TSGA10IP: variants seen among roughly 807,000 people sequenced by gnomAD.
TSGA10IP encodes the protein testis specific 10 interacting protein.
In TSGA10IP, 64 loss-of-function variants were observed where a neutral mutation model predicts 63.2. That is an observed-to-expected ratio of 1.01 (90% CI 0.83 to 1.25). TSGA10IP has a LOEUF of 1.25. Ranked by LOEUF, TSGA10IP falls within the 50% of genes most tolerant of loss-of-function variation. TSGA10IP has a pLI of 0.00. For synonymous variants in TSGA10IP, 316 were observed against 298.3 expected, an observed-to-expected ratio of 1.06 and a Z score of -0.61; for missense variants, 681 against 710.1, an observed-to-expected ratio of 0.96 and a Z score of 0.47.
Position 65,946,988 on chromosome 11 carries a change from A to T in TSGA10IP, c.256A>T (p.Lys86Ter). 1 of 1,613,972 alleles carries T rather than the reference A, an allele frequency of 6.2e-7. No individual in the cohort carries two copies. Among genetic ancestry groups the T allele is most frequent in the Non-Finnish European group, 8.5e-7 (1 of 1,179,870 alleles). ...CCGCAAGCCCAGGGGCCAGAGCAAG[A>T]AAGGACAGGGCTCTGAAGAGTCTGA... The change falls in exon 2 of 8, where the codon AAA becomes TAA. Residue 86 changes from lysine (K) to a stop codon, truncating the protein, a stop_gained. Transcript: ENST00000532620. LOFTEE classifies it high-confidence loss of function.
At chr11:65,957,172 G>C (rs897811539) in intron 5 of TSGA10IP, among the ~76,000 whole-genome samples, 16 of 151,912 alleles carry the variant, frequency 1.1e-4, no homozygotes, top group African/African-American at 3.9e-4. Context: ...GTTTTTTTGA[G>C]ACAAAGTCTC....
In TSGA10IP at chr11:65,959,338, A is replaced by T. The variant is rs142474198; in HGVS notation, c.1547+24A>T. On this transcript the variant is annotated intron_variant, in intron 7 of 7. Coordinates refer to ENST00000532620, the Ensembl canonical transcript of TSGA10IP. ...AGGTGAGTCTCCCCGTCAGGTCAAG[A>T]ACTGACTCTGCCATGCTGCTGCGGG... 147 of 1,609,226 alleles carry T rather than the reference A, an allele frequency of 9.1e-5. No homozygotes were observed. The African/African-American group carries it at 1.8e-3, about 19-fold the overall frequency.
chr11:65,946,506 A>C (rs1026228807), intron 1 of TSGA10IP, among the ~76,000 whole-genome samples: 1 of 151,938 alleles, frequency 6.6e-6, no homozygotes, highest in Non-Finnish European at 1.5e-5. Flanking sequence ...ATCTCGGCTC[A>C]CTGCAGCCTC....
chr11:65,945,497 C>T (rs897575472), exon 1 of TSGA10IP: 24 of 659,302 alleles, frequency 3.6e-5, no homozygotes, highest in Admixed American at 1.5e-4. Flanking sequence ...TGGGTCTCTG[C>T]GCTAAATGAC....
chr11:65,946,013 G>A (rs1214439616), intron 1 of TSGA10IP, 191 bp downstream of exon 1: 2 of 640,058 alleles, frequency 3.1e-6, no homozygotes, highest in African/African-American at 3.7e-5. Context: ...ATGACGCCCA[G>A]GAGTGACTCC....
chr11:65,946,011 C>G, intron 1 of TSGA10IP, 189 bp downstream of exon 1: 1 of 641,392 alleles, frequency 1.6e-6, no homozygotes. Flanking sequence ...GGATGACGCC[C>G]AGGAGTGACT....
chr11:65,952,573 C>T (rs1415902591), intron 4 of TSGA10IP, among the ~76,000 whole-genome samples: 2 of 152,036 alleles, frequency 1.3e-5, no homozygotes, highest in African/African-American at 2.4e-5. Flanking sequence ...CTTAACCTCC[C>T]GAGTAGCTAG....
At chr11:65,953,788 G>A (rs1854984337) in intron 5 of TSGA10IP, 51 bp downstream of exon 5, 7 of 1,402,942 alleles carry the variant, frequency 5.0e-6, no homozygotes, top group Admixed American at 2.8e-5. Flanking sequence ...CAGGGAGGCC[G>A]TGTCAGGTCT....
exon 3 of TSGA10IP, chr11:65,947,676 A>G (rs1565305684): frequency 1.9e-6 from 3 of 1,606,856 alleles, no homozygotes; most frequent in Non-Finnish European, 2.5e-6. Flanking sequence ...GAAGCCTCCG[A>G]TGAGGGAGAA....
Position 65,947,689 on chromosome 11 carries a change from G to C in TSGA10IP, c.864G>C (p.Val288=), listed in dbSNP as rs755299808. ...AGGAAGCCTCCGATGAGGGAGAAGTGCAGGGCCAGAGCCAGGGGAGCAGCC... is the reference window on the plus strand; with the variant it reads ...AGGAAGCCTCCGATGAGGGAGAAGTCCAGGGCCAGAGCCAGGGGAGCAGCC... Residue 288 remains valine, a synonymous_variant, in exon 3 of 8, where the codon GTG becomes GTC. Coordinates refer to ENST00000532620, the Ensembl canonical transcript of TSGA10IP. 2.5e-5 allele frequency: 40 copies of C among 1,603,438 alleles called. No individual in the cohort carries two copies. In the Admixed American group the frequency reaches 7.0e-4, roughly 28 times the overall value.
At chr11:65,945,964 AC>A in intron 1 of TSGA10IP, 142 bp downstream of exon 1, 1 of 1,044,104 alleles carries the variant, frequency 9.6e-7, no homozygotes, top group Non-Finnish European at 1.4e-6. Context: ...TGGGACAGGG[AC>A]CACAGGGAGG....
exon 1 of TSGA10IP, chr11:65,945,535 C>T: frequency 1.1e-6 from 1 of 903,854 alleles, no homozygotes; most frequent in South Asian, 1.8e-5. Flanking sequence ...AACTCTCTCC[C>T]AGAAGGAGAT....
At chr11:65,945,931 GATGAAA>G in intron 1 of TSGA10IP, 109 bp downstream of exon 1, 1 of 1,355,490 alleles carries the variant, frequency 7.4e-7, no homozygotes, top group Non-Finnish European at 1.0e-6. Flanking sequence ...CTGAGGTCCA[GATGAAA>G]CTCAGGGAGG....
chr11:65,957,667 T>G (rs1322935795), intron 5 of TSGA10IP, among the ~76,000 whole-genome samples: 3 of 152,182 alleles, frequency 2.0e-5, no homozygotes, highest in African/African-American at 7.2e-5. Context: ...CCAGCAAGGC[T>G]GAGTTTTTCC....
At chr11:65,945,723 G>A in exon 1 of TSGA10IP, 2 of 1,612,512 alleles carry the variant, frequency 1.2e-6, no homozygotes, top group Non-Finnish European at 1.7e-6. Flanking sequence ...AGTTGGTTAG[G>A]ACCCCGTCGG....
At chr11:65,948,171 G>A in intron 4 of TSGA10IP, 23 bp downstream of exon 4, 2 of 1,592,964 alleles carry the variant, frequency 1.3e-6, no homozygotes, top group Non-Finnish European at 1.7e-6. Flanking sequence ...AGAAGGGAGT[G>A]GGAGCCCAGA....
intron 4 of TSGA10IP, among the ~76,000 whole-genome samples, chr11:65,953,078 T>C (rs530269925): frequency 6.7e-6 from 1 of 150,280 alleles, no homozygotes; most frequent in East Asian, 1.9e-4. Flanking sequence ...TTGCCCAGGC[T>C]GGAGTACAAT....
intron 4 of TSGA10IP, among the ~76,000 whole-genome samples, chr11:65,951,275 A>G (rs994370402): frequency 9.2e-5 from 14 of 152,098 alleles, no homozygotes; most frequent in African/African-American, 3.4e-4. Flanking sequence ...GGGAACCTTG[A>G]TATTGTTTTC....
intron 4 of TSGA10IP, among the ~76,000 whole-genome samples, chr11:65,949,706 C>A (rs980529071): frequency 1.3e-5 from 2 of 151,724 alleles, no homozygotes; most frequent in Non-Finnish European, 2.9e-5. Context: ...TGAGCCACTG[C>A]GCCCAGCCAC....
Sources: allele counts gnomAD v4.1 joint callset (sites outside exome capture counted in the v4.1 genomes callset), GRCh38; gene constraint gnomAD v4.1.1; transcripts MANE v1.5; gene names NCBI Gene and HGNC (gene_info 2026-07-23, HGNC 2026-07-21).